Variants in TTC29 observed in about 807,000 individuals in gnomAD.
TTC29 encodes the protein tetratricopeptide repeat protein 29.
Under a neutral mutation model 58.1 loss-of-function variants are expected in TTC29, and 49 were observed. The ratio of observed to expected loss-of-function variants is 0.84; its 90% confidence interval spans 0.67 to 1.07. The LOEUF is 1.07. Among genes scored for constraint, TTC29 ranks in the 50% least tolerant of loss-of-function variants. The probability of loss-of-function intolerance (pLI) is 0.00; values close to 1 mark genes in which losing one functional copy is unlikely to be tolerated. For missense variants in TTC29, 582 were observed against 555.6 expected (o/e 1.05, Z -0.48); for synonymous variants, 209 against 196.8 (o/e 1.06, Z -0.52).
chr4:146,867,663 CA>C, intron 7 of TTC29, 80 bp from the exon 8 acceptor site: 1 of 652,844 alleles, frequency 1.5e-6, no homozygotes, highest in Non-Finnish European at 2.5e-6. Flanking sequence ...CTTTTCAAGA[CA>C]GTAGAAAATT....
At chr4:146,753,798 G>A (rs1205253594) in intron 11 of TTC29, among the ~76,000 whole-genome samples, 2 of 151,752 alleles carry the variant, frequency 1.3e-5, no homozygotes, top group Non-Finnish European at 2.9e-5. Flanking sequence ...GCAAACTATT[G>A]CAAGGACAAA....
Position 146,867,493 on chromosome 4 carries a change from C to T in TTC29, c.885+5G>A, listed in dbSNP as rs778881289. ...AAAATGGCAGTGATTAAAAGTTTAG[C>T]TTACTGTTAATGCTGTTTCATATTC... On this transcript the variant is annotated splice_donor_5th_base_variant and intron_variant, in intron 8 of 12. Transcript: ENST00000325106. 3 of 1,430,092 alleles carry T rather than the reference C, an allele frequency of 2.1e-6. No homozygotes were observed. Among genetic ancestry groups the T allele is most frequent in the African/African-American group, 1.5e-5 (1 of 68,770 alleles). The allele number at this position is 1,430,092 out of a possible 1,614,324, so 88.6% of individuals were successfully genotyped here.
At chr4:146,841,418 C>T (rs1554021760) in intron 8 of TTC29, among the ~76,000 whole-genome samples, 1 of 152,042 alleles carries the variant, frequency 6.6e-6, no homozygotes, top group Non-Finnish European at 1.5e-5. Flanking sequence ...TGCTCTCTGG[C>T]TGGTGACCTT....
intron 7 of TTC29, among the ~76,000 whole-genome samples, chr4:146,872,027 T>A (rs1730966534): frequency 2.0e-5 from 3 of 152,094 alleles, no homozygotes; most frequent in Non-Finnish European, 4.4e-5. Context: ...AAAATCTATG[T>A]ATTCTTGTAG....
intron 4 of TTC29, among the ~76,000 whole-genome samples, chr4:146,933,776 T>C (rs1277372468): frequency 6.6e-6 from 1 of 152,194 alleles, no homozygotes; most frequent in African/African-American, 2.4e-5. Context: ...TCTGTGAAGG[T>C]AGATGATACA....
intron 9 of TTC29, among the ~76,000 whole-genome samples, chr4:146,833,307 T>C (rs887448496): frequency 1.3e-5 from 2 of 152,188 alleles, no homozygotes; most frequent in African/African-American, 2.4e-5. Context: ...TGTTCATATA[T>C]CTAAAATTTT....
intron 4 of TTC29, among the ~76,000 whole-genome samples, chr4:146,934,734 T>C (rs1338306523): frequency 1.3e-5 from 2 of 151,976 alleles, no homozygotes; most frequent in Non-Finnish European, 2.9e-5. Flanking sequence ...CCACAGAATA[T>C]GGCATCCCGA....
At chr4:146,803,384 AC>A in intron 11 of TTC29, 72 bp downstream of exon 11, 1 of 1,121,998 alleles carries the variant, frequency 8.9e-7, no homozygotes. Context: ...TTTGAGTGAA[AC>A]TTTCCAATGA....
chr4:146,789,097 A>T (rs1222026040), intron 11 of TTC29, among the ~76,000 whole-genome samples: 1 of 152,206 alleles, frequency 6.6e-6, no homozygotes, highest in African/African-American at 2.4e-5. Context: ...TATCCTTTAA[A>T]AATACACTTT....
intron 11 of TTC29, among the ~76,000 whole-genome samples, chr4:146,749,676 C>A (rs991861089): frequency 6.6e-6 from 1 of 152,048 alleles, no homozygotes; most frequent in Non-Finnish European, 1.5e-5. Context: ...TAAGGACATC[C>A]AGATTGATGA....
chr4:146,777,224 T>C (rs555297271), intron 11 of TTC29, among the ~76,000 whole-genome samples: 6 of 152,264 alleles, frequency 3.9e-5, no homozygotes, highest in Non-Finnish European at 2.9e-5. Flanking sequence ...AAAACCGCAA[T>C]TGCTTTTGCA....
chr4:146,710,724 GAT>G (rs1742428850), intron 11 of TTC29, among the ~76,000 whole-genome samples: 1 of 152,084 alleles, frequency 6.6e-6, no homozygotes, highest in Non-Finnish European at 1.5e-5. Flanking sequence ...GTTGAAGTGT[GAT>G]ATTTGCTTAT....
At chr4:146,731,503 T>C (rs922112897) in intron 11 of TTC29, among the ~76,000 whole-genome samples, 2 of 152,072 alleles carry the variant, frequency 1.3e-5, no homozygotes, top group African/African-American at 2.4e-5. Flanking sequence ...GAGAGAGTTG[T>C]ATTTAGCTAG....
chr4:146,844,591 C>T (rs576114009), intron 8 of TTC29, among the ~76,000 whole-genome samples: 5 of 151,896 alleles, frequency 3.3e-5, no homozygotes, highest in South Asian at 2.1e-4. Context: ...ATGTTGCTTA[C>T]GCTGGTCTTG....
In TTC29 at chr4:146,898,757, G is replaced by A. The variant is rs1348115237; in HGVS notation, c.586+4787C>T. ...AGACTCAAAGCTAATGGGTTGAAAT[G>A]GAATGGGCTGCTAATGAAGTGGGAG... On this transcript the variant is annotated intron_variant, in intron 6 of 12. Coordinates refer to ENST00000325106, the MANE Select transcript of TTC29 (RefSeq NM_031956.4). 2.0e-5 allele frequency among the ~76,000 whole-genome samples: 3 copies of A among 152,160 alleles called. No individual in the cohort carries two copies. The East Asian group carries it at 5.8e-4, about 29-fold the overall frequency.
chr4:146,747,019 C>G (rs983147148), intron 11 of TTC29, among the ~76,000 whole-genome samples: 1 of 152,078 alleles, frequency 6.6e-6, no homozygotes, highest in African/African-American at 2.4e-5. Context: ...GCCACCCCGT[C>G]CCCCAGATGT....
At chr4:146,922,297 C>T (rs946412811) in intron 4 of TTC29, among the ~76,000 whole-genome samples, 4 of 150,300 alleles carry the variant, frequency 2.7e-5, no homozygotes, top group African/African-American at 7.3e-5. Context: ...TGAAATAATA[C>T]TAAATAAAAA....
At chr4:146,795,890 G>A (rs111615775) in intron 11 of TTC29, among the ~76,000 whole-genome samples, 151 of 152,306 alleles carry the variant, frequency 9.9e-4, no homozygotes, top group African/African-American at 3.4e-3. Flanking sequence ...TTTGGAATCC[G>A]TGGCCACAGG....
intron 2 of TTC29, among the ~76,000 whole-genome samples, chr4:146,940,302 GA>G (rs1311511279): frequency 6.6e-6 from 1 of 152,152 alleles, no homozygotes; most frequent in Non-Finnish European, 1.5e-5. Flanking sequence ...ATCAATAATT[GA>G]AAATTGCTTA....
Sources: allele counts gnomAD v4.1 joint callset (sites outside exome capture counted in the v4.1 genomes callset), GRCh38; gene constraint gnomAD v4.1.1; transcripts MANE v1.5; gene names NCBI Gene and HGNC (gene_info 2026-07-23, HGNC 2026-07-21).